Variants in AP2B1 observed in about 807,000 individuals in gnomAD.
AP2B1 encodes AP-2 complex subunit beta.
AP2B1 carries 23 observed loss-of-function variants against 102.0 expected under a neutral mutation model. The ratio of observed to expected loss-of-function variants is 0.23; its 90% CI spans 0.16 to 0.32. The LOEUF is 0.32. Ranked by LOEUF, AP2B1 falls within the 10% of genes least tolerant of loss-of-function variation. The pLI, the probability that AP2B1 is intolerant of heterozygous loss-of-function variation, is 1.00. For missense variants in AP2B1, 541 were observed against 1,157.4 expected, an observed-to-expected ratio of 0.47 and a Z score of 7.73; for synonymous variants, 381 against 421.2, an observed-to-expected ratio of 0.90 and a Z score of 1.17.
chr17:35,596,814 G>C, intron 2 of AP2B1: 4 of 645,556 alleles, frequency 6.2e-6, no homozygotes, highest in Non-Finnish European at 1.2e-5. Context: ...CCGCAGCGCT[G>C]CCAGGCCCCG....
intron 13 of AP2B1, among the ~76,000 whole-genome samples, chr17:35,655,938 A>G (rs959013065): frequency 3.9e-5 from 6 of 152,114 alleles, no homozygotes; most frequent in African/African-American, 1.2e-4. Flanking sequence ...AGACTTGCCT[A>G]TTTTTAATGA....
chr17:35,606,493 GC>G (rs1490914046), intron 4 of AP2B1, among the ~76,000 whole-genome samples: 3 of 151,996 alleles, frequency 2.0e-5, no homozygotes, highest in African/African-American at 7.3e-5. Context: ...ACCCACCTCA[GC>G]CTCACAAAGT....
Position 35,650,530 on chromosome 17 carries a change from G to C in AP2B1, c.1537G>C (p.Asp513His). The C allele has an allele frequency of 1.2e-6, 2 of 1,613,204 alleles. No individual in the cohort carries two copies. Among genetic ancestry groups the C allele is most frequent in the Non-Finnish European group, 1.7e-6 (2 of 1,179,512 alleles). Residue 513 changes from aspartate to histidine, a missense_variant and splice_region_variant, in exon 13 of 22, where the codon GAT becomes CAT. This residue lies in a region of AP2B1 where 106 missense variants were observed against 296.4 expected (regional missense o/e 0.36). Transcript: ENST00000610402. ...VQQVLSLATQDSDNPDLRDRG... is the reference protein window; with the variant it reads ...VQQVLSLATQHSDNPDLRDRG... ...CTCCTTGCCTTTGCCTTTTCTTTAG[G>C]ATTCTGATAATCCTGACCTTCGAGA...
At chr17:35,596,393 T>A (rs1179829555) in intron 2 of AP2B1, among the ~76,000 whole-genome samples, 4 of 152,216 alleles carry the variant, frequency 2.6e-5, no homozygotes, top group Non-Finnish European at 4.4e-5. Flanking sequence ...TTGGAACAAT[T>A]TTTTTGCCTT....
chr17:35,687,531 C>A (rs1050437352), intron 18 of AP2B1, among the ~76,000 whole-genome samples: 1 of 151,798 alleles, frequency 6.6e-6, no homozygotes, highest in Non-Finnish European at 1.5e-5. Context: ...TTACTTAAAT[C>A]AGTGTTCAAT....
chr17:35,588,306 A>T (rs915216377), intron 1 of AP2B1, among the ~76,000 whole-genome samples: 4 of 151,432 alleles, frequency 2.6e-5, no homozygotes, highest in African/African-American at 9.7e-5. Flanking sequence ...CTTTTATTTT[A>T]TTTTATTTTT....
chr17:35,668,157 G>A (rs1004694948), intron 14 of AP2B1, among the ~76,000 whole-genome samples: 3 of 151,940 alleles, frequency 2.0e-5, no homozygotes, highest in Non-Finnish European at 2.9e-5. Context: ...GGCTGGTCTT[G>A]AACTCCTGAC....
intron 1 of AP2B1, chr17:35,588,651 A>G (rs1742074436): frequency 6.6e-6 from 1 of 152,254 alleles, no homozygotes; most frequent in Non-Finnish European, 1.5e-5. Flanking sequence ...CAAAGTAGTA[A>G]TAGAAAGCAG....
chr17:35,674,468 C>T (rs746857563), intron 17 of AP2B1, 147 bp downstream of exon 17: 11 of 972,580 alleles, frequency 1.1e-5, no homozygotes, highest in Middle Eastern at 4.4e-4. Context: ...TTTGGGAGGC[C>T]GAGACGGGCT....
chr17:35,716,300 GTTTCTC>G (rs1555589821), intron 20 of AP2B1, among the ~76,000 whole-genome samples: 3 of 152,298 alleles, frequency 2.0e-5, no homozygotes, highest in East Asian at 1.9e-4. Context: ...TATTCTTAAA[GTTTCTC>G]TTTCTCTGAT....
chr17:35,720,547 A>ATT (rs1269127359), intron 21 of AP2B1, among the ~76,000 whole-genome samples: 9 of 40,540 alleles, frequency 2.2e-4, no homozygotes, highest in Admixed American at 1.4e-3. Context: ...TATTTTATTT[A>ATT]TATATATATA....
intron 1 of AP2B1, among the ~76,000 whole-genome samples, chr17:35,589,048 T>C (rs889287087): frequency 1.3e-5 from 2 of 152,208 alleles, no homozygotes; most frequent in African/African-American, 4.8e-5. Context: ...AGTTTAATGT[T>C]ATTTTGGTTA....
Position 35,609,739 on chromosome 17 carries a change from T to C in AP2B1, c.525+1352T>C, listed in dbSNP as rs138272897. 1.2e-3 allele frequency among the ~76,000 whole-genome samples: 181 copies of C among 152,298 alleles called. 3 individuals carry two copies. The highest frequency in any genetic ancestry group is 3.7e-3 in the African/African-American group (154 of 41,558). On this transcript the variant is annotated intron_variant, in intron 5 of 21. Transcript: ENST00000610402. The stretch of plus-strand genomic sequence containing the variant: ...ATCCTCCCACCTTGGCCTTCCTCAG[T>C]GAATTACTGTGCTTGGCCTGAATAT...
Position 35,608,222 on chromosome 17 carries a change from A to G in AP2B1, c.360A>G (p.Glu120=), listed in dbSNP as rs755568147. ...MGCIRVDKIT[E]YLCEPLRKCL... Reference sequence around the variant, plus strand: ...GCATCCGGGTAGACAAAATTACAGAATATCTCTGTGAGCCGCTCCGCAAGT... The same window carrying G: ...GCATCCGGGTAGACAAAATTACAGAGTATCTCTGTGAGCCGCTCCGCAAGT... The change falls in exon 5 of 22, where the codon GAA becomes GAG. Residue 120 remains glutamate, a synonymous_variant. Coordinates refer to ENST00000610402, the MANE Select transcript of AP2B1 (RefSeq NM_001030006.2). 2 of 1,614,132 alleles carry G rather than the reference A, an allele frequency of 1.2e-6. No homozygotes were observed. Among genetic ancestry groups the G allele is most frequent in the East Asian group, 2.2e-5 (1 of 44,882 alleles).
chr17:35,659,678 A>G (rs1171640514), intron 14 of AP2B1: 1 of 385,596 alleles, frequency 2.6e-6, no homozygotes, highest in Non-Finnish European at 3.5e-6. Context: ...AACCTTTGCT[A>G]GATAGGCCCA....
chr17:35,718,391 GC>G (rs1412146591), intron 21 of AP2B1, among the ~76,000 whole-genome samples: 6 of 149,972 alleles, frequency 4.0e-5, no homozygotes, highest in Non-Finnish European at 8.9e-5. Context: ...TTAGACTTTT[GC>G]CCAAGCACTT....
rs761370945 is a variant in AP2B1, at chr17:35,674,339, C to T, written c.2324+18C>T. The T allele has an allele frequency of 4.3e-6, 7 of 1,613,322 alleles. No homozygotes were observed. The highest frequency in any genetic ancestry group is 4.0e-5 in the African/African-American group (3 of 74,884). ...AAAAATAGGTAAGCAATCTGGGTCC[C>T]TAGCTTGATGTTGAGACAACAGTTT... On this transcript the variant is annotated intron_variant, in intron 17 of 21. Coordinates refer to ENST00000610402, the MANE Select transcript of AP2B1 (RefSeq NM_001030006.2).
At chr17:35,695,577 T>C (rs587771943) in intron 18 of AP2B1, among the ~76,000 whole-genome samples, 112 of 152,210 alleles carry the variant, frequency 7.4e-4, no homozygotes, top group African/African-American at 2.3e-3. Flanking sequence ...ATCTAACTTA[T>C]AGCAAATGTA....
chr17:35,593,449 T>TAAA (rs10678502), intron 1 of AP2B1, among the ~76,000 whole-genome samples: 130,965 of 151,650 alleles, frequency 0.86, 56,567 homozygotes, highest in East Asian at 0.9. Flanking sequence ...AACTAAAAAT[T>TAAA]AAAAAAATTC....
Sources: gnomAD v4.1 joint callset for allele counts (sites outside exome capture counted in the v4.1 genomes callset) on GRCh38, gnomAD v4.1.1 for gene constraint, gnomAD v4.1.1 regional missense constraint, MANE v1.5 for transcripts, NCBI Gene and HGNC (gene_info 2026-07-23, HGNC 2026-07-21) for gene names.